GAS7: variants seen among roughly 807,000 people sequenced by gnomAD.
GAS7 encodes the protein growth arrest specific 7.
In GAS7, 28 loss-of-function variants were observed where a neutral mutation model predicts 71.1. That is an observed-to-expected ratio of 0.39 (90% CI 0.29 to 0.54). GAS7 has a LOEUF of 0.54. GAS7 is among the 20% of genes least tolerant of loss of function. The pLI, the probability that GAS7 is intolerant of heterozygous loss-of-function variation, is 0.62. For synonymous variants in GAS7, 258 were observed against 245.8 expected, an observed-to-expected ratio of 1.05 and a Z score of -0.46; for missense variants, 436 against 627.8, an observed-to-expected ratio of 0.69 and a Z score of 3.27.
rs770717224 is a variant in GAS7, at chr17:10,133,123, T to TATATA, written c.183+65084_183+65085insTATAT. On this transcript the variant is annotated intron_variant, in intron 1 of 13. Coordinates refer to ENST00000432992, the MANE Select transcript of GAS7 (RefSeq NM_201433.2). ...TATAATTAGATTATATATTTTTATA[T>TATATA]TTTTTTTTTTTCTTTTTTGAGATGG... Among the ~76,000 whole-genome samples the TATATA allele has an allele frequency of 5.3e-3, 683 of 129,218 alleles. 25 individuals are homozygous for TATATA. Among genetic ancestry groups the TATATA allele is most frequent in the East Asian group, 0.035 (131 of 3,762 alleles). The allele number at this position is 129,218 out of a possible 152,430, so 84.8% of individuals were successfully genotyped here.
rs2067444599 is a variant in GAS7, at chr17:9,911,818, C to T, written c.*5410G>A. 1 of 231,844 alleles carries T rather than the reference C, an allele frequency of 4.3e-6. No homozygotes were observed. The highest frequency in any genetic ancestry group is 5.6e-5 in the Admixed American group (1 of 17,726). The allele number at this position is 231,844 out of a possible 1,614,324, so 14.4% of individuals were successfully genotyped here. On this transcript the variant is annotated 3_prime_UTR_variant, in exon 14 of 14. Coordinates refer to ENST00000432992, the MANE Select transcript of GAS7 (RefSeq NM_201433.2). This position sits in a 1 kb window ranked among gnomAD's most constrained non-coding sequence, Gnocchi z 4.0. ...GTCTCTGGTTCGCATAGAGAGGTAC[C>T]CAACTGGTCTCGGGACTCACCTTTC...
intron 1 of GAS7, among the ~76,000 whole-genome samples, chr17:10,106,056 C>T (rs997462499): frequency 6.6e-6 from 1 of 152,194 alleles, no homozygotes; most frequent in Non-Finnish European, 1.5e-5. Context: ...CCTACCTCTG[C>T]CCTCCAGTCA....
At chr17:9,979,049 G>A (rs924522490) in intron 3 of GAS7, among the ~76,000 whole-genome samples, 5 of 152,186 alleles carry the variant, frequency 3.3e-5, no homozygotes, top group East Asian at 1.9e-4. Flanking sequence ...AGACATTGCC[G>A]AATGTCCCCT....
At chr17:10,128,929 T>A (rs2073974954) in intron 1 of GAS7, among the ~76,000 whole-genome samples, 1 of 152,212 alleles carries the variant, frequency 6.6e-6, no homozygotes, top group South Asian at 2.1e-4. Flanking sequence ...GGCCTGCTTT[T>A]TCTTTTTTCA....
chr17:9,920,456 A>C (rs1597444617), intron 11 of GAS7, among the ~76,000 whole-genome samples: 1 of 152,224 alleles, frequency 6.6e-6, no homozygotes, highest in African/African-American at 2.4e-5. Flanking sequence ...TGTTTAGAAC[A>C]TTTTGTAATT....
At position 9,916,622 on chromosome 17, in the gene GAS7, TG is replaced by T; in HGVS notation, c.*605del. On this transcript the variant is annotated 3_prime_UTR_variant, in exon 14 of 14. Transcript: ENST00000432992. ...TCCATCCTGACCTCTCCAGGCATGG[TG>T]GGTCTGGGAAGACAGGAGCCAAGCC... 1 of 287,308 alleles carries T rather than the reference TG, an allele frequency of 3.5e-6. No individual in the cohort carries two copies. 17.8% of individuals were successfully genotyped at this position (287,308 alleles called of 1,614,324 possible). A position where few individuals can be genotyped will look rare whatever the true frequency, so the allele number is the denominator to read the frequency against.
intron 1 of GAS7, among the ~76,000 whole-genome samples, chr17:10,126,509 T>C (rs551511220): frequency 3.1e-4 from 44 of 143,518 alleles, no homozygotes; most frequent in African/African-American, 1.1e-3. Context: ...CACAAACACG[T>C]ATCACACACG....
chr17:10,024,988 GTCACAACA>G (rs2072411651), intron 1 of GAS7, among the ~76,000 whole-genome samples: 1 of 152,094 alleles, frequency 6.6e-6, no homozygotes, highest in Non-Finnish European at 1.5e-5. Context: ...TCAGCTACTC[GTCACAACA>G]AGCCTGCCTC....
chr17:10,168,335 C>G (rs1259668162), intron 1 of GAS7, among the ~76,000 whole-genome samples: 1 of 152,136 alleles, frequency 6.6e-6, no homozygotes, highest in Non-Finnish European at 1.5e-5. Flanking sequence ...TTTAAAAGAA[C>G]TAAACCCACA....
rs149903259 is a variant in GAS7, at chr17:9,918,913, T to C, written c.1218+713A>G. Among the ~76,000 whole-genome samples the C allele has an allele frequency of 3.7e-3, 568 of 152,214 alleles. 8 individuals carry two copies. Among genetic ancestry groups the C allele is most frequent in the African/African-American group, 0.013 (526 of 41,538 alleles). On this transcript the variant is annotated intron_variant, in intron 12 of 13. Transcript: ENST00000432992. ...AGGAAAACTAGGTCACTGTCCCTGG[T>C]GGAGGCCTCTAATCTGCTCTGGTGG... is the stretch of plus-strand genomic sequence containing the variant.
At chr17:10,084,229 G>A (rs2073489887) in intron 1 of GAS7, among the ~76,000 whole-genome samples, 2 of 152,128 alleles carry the variant, frequency 1.3e-5, no homozygotes, top group Non-Finnish European at 1.5e-5. Context: ...GCCTATATTG[G>A]TGGGGGCAGG....
chr17:10,142,194 C>T (rs1231329836), intron 1 of GAS7, among the ~76,000 whole-genome samples: 2 of 140,750 alleles, frequency 1.4e-5, no homozygotes, highest in African/African-American at 2.7e-5. Context: ...CCGGCCTGGG[C>T]GACACAGCGA....
In GAS7 at chr17:10,035,445, C is replaced by T. The variant is rs184058151; in HGVS notation, c.184-15548G>A. On this transcript the variant is annotated intron_variant, in intron 1 of 13. Coordinates refer to ENST00000432992, the MANE Select transcript of GAS7 (RefSeq NM_201433.2). ...GCACGTTAACCTTTGAGAAGCACTG[C>T]TGTGGACGGTCCTAGGTCAACTAAC... 1.2e-3 allele frequency among the ~76,000 whole-genome samples: 189 copies of T among 152,342 alleles called. 2 individuals carry two copies. The highest frequency in any genetic ancestry group is 4.4e-3 in the African/African-American group (183 of 41,576).
chr17:9,996,591 A>G (rs922455166), intron 2 of GAS7, among the ~76,000 whole-genome samples: 8 of 125,002 alleles, frequency 6.4e-5, no homozygotes, highest in Non-Finnish European at 1.3e-4. Flanking sequence ...GACTATATAT[A>G]TATGTGTGTG....
intron 1 of GAS7, among the ~76,000 whole-genome samples, chr17:10,065,693 T>C (rs2073274558): frequency 6.6e-6 from 1 of 152,206 alleles, no homozygotes; most frequent in Non-Finnish European, 1.5e-5. Flanking sequence ...CTTTTCTAAA[T>C]AAAATAACAT....
In GAS7 at chr17:10,067,318, C is replaced by T. The variant is rs541753962; in HGVS notation, c.184-47421G>A. ...GGAGTGTAGTGGCGCGATCTCGGCT[C>T]GCTGCAACCTCCGCCTCCTGGGTTC... On this transcript the variant is annotated intron_variant, in intron 1 of 13. Coordinates refer to ENST00000432992, the MANE Select transcript of GAS7 (RefSeq NM_201433.2). Among the ~76,000 whole-genome samples, 4 of 152,284 alleles carry T rather than the reference C, an allele frequency of 2.6e-5. No individual in the cohort carries two copies. In the South Asian group the frequency reaches 6.2e-4, roughly 24 times the overall value.
At chr17:10,018,958 G>A (rs955095108) in intron 2 of GAS7, among the ~76,000 whole-genome samples, 1 of 152,190 alleles carries the variant, frequency 6.6e-6, no homozygotes, top group East Asian at 1.9e-4. Context: ...CAATTTCTCT[G>A]GGGAGTCACG....
intron 1 of GAS7, among the ~76,000 whole-genome samples, chr17:10,071,635 C>A (rs2073340451): frequency 6.6e-6 from 1 of 152,060 alleles, no homozygotes; most frequent in Non-Finnish European, 1.5e-5. Context: ...TGTGAAAAAA[C>A]AAATAAAGGC....
At chr17:10,019,673 A>G in intron 2 of GAS7, 104 bp downstream of exon 2, 3 of 1,179,746 alleles carry the variant, frequency 2.5e-6, no homozygotes, top group Non-Finnish European at 3.6e-6. Flanking sequence ...TTAAGAAGAA[A>G]AAACCCCCAA....
Sources: gnomAD v4.1 joint callset for allele counts (sites outside exome capture counted in the v4.1 genomes callset) on GRCh38, gnomAD v4.1.1 for gene constraint, Gnocchi (gnomAD v3.1) non-coding constraint, MANE v1.5 for transcripts, NCBI Gene and HGNC (gene_info 2026-07-23, HGNC 2026-07-21) for gene names.